Variants in LEPR observed in about 807,000 individuals in gnomAD.
LEPR encodes OB receptor.
In LEPR, 56 loss-of-function variants were observed where a neutral mutation model predicts 114.7. The observed-to-expected ratio is 0.49, with a 90% CI of 0.39 to 0.61. LEPR has a LOEUF of 0.61. LEPR is among the 20% of genes least tolerant of loss of function. The pLI is 0.00. For synonymous variants in LEPR, 443 were observed against 461.4 expected, an observed-to-expected ratio of 0.96 and a Z score of 0.51; for missense variants, 1,202 against 1,352.9, an observed-to-expected ratio of 0.89 and a Z score of 1.75.
At chr1:65,608,471 A>G (rs1468782481) in intron 11 of LEPR, among the ~76,000 whole-genome samples, 1 of 152,040 alleles carries the variant, frequency 6.6e-6, no homozygotes, top group Non-Finnish European at 1.5e-5. Flanking sequence ...TTGCTTGCAG[A>G]GCCAATGGTT....
chr1:65,625,619 C>T (rs994561986), intron 19 of LEPR, among the ~76,000 whole-genome samples: 2 of 151,982 alleles, frequency 1.3e-5, no homozygotes, highest in African/African-American at 2.4e-5. Context: ...TTGTGCTGAG[C>T]GCTTATAATG....
chr1:65,556,523 A>G (rs997325585), intron 2 of LEPR, among the ~76,000 whole-genome samples: 1 of 152,068 alleles, frequency 6.6e-6, no homozygotes, highest in African/African-American at 2.4e-5. Flanking sequence ...TTTTAGTTGT[A>G]TGTGCTTCCT....
Position 65,572,328 on chromosome 1 carries a change from G to A in LEPR, c.373G>A (p.Ala125Thr), listed in dbSNP as rs1381953114. 4 of 609,568 alleles carry A rather than the reference G, an allele frequency of 6.6e-6. No individual in the cohort carries two copies. The East Asian group carries it at 1.4e-4, about 22-fold the overall frequency. 37.8% of individuals were successfully genotyped at this position (609,568 alleles called of 1,614,324 possible). A position where few individuals can be genotyped will look rare whatever the true frequency, so the allele number is the denominator to read the frequency against. ...TTTTTTTTTTTTTTTAAATTCAGAT[G>A]CAAACTGGAACATACAGTGCTGGCT... ...VNSLVFQQID[A>T]NWNIQCWLKG... The change falls in exon 5 of 20, where the codon GCA (alanine) becomes ACA (threonine). Residue 125 changes from alanine (A) to threonine (T), a missense_variant and splice_region_variant. Coordinates refer to ENST00000349533, the MANE Select transcript of LEPR (RefSeq NM_002303.6).
rs145178680 is a variant in LEPR at position 65,434,247 on chromosome 1, A to G, written c.-21+8869A>G. The stretch of plus-strand genomic sequence containing the variant: ...GTAAATATTAATAGGAAATATTGCT[A>G]TATCTGAATATATAATACAAAAGTT... On this transcript the variant is annotated intron_variant, in intron 2 of 19. Coordinates refer to ENST00000349533, the MANE Select transcript of LEPR (RefSeq NM_002303.6). The G allele has an allele frequency of 1.3e-4, 126 of 978,470 alleles. No homozygotes were observed. In the African/African-American group the frequency reaches 1.7e-3, roughly 13 times the overall value. The allele number at this position is 978,470 out of a possible 1,614,324, so 60.6% of individuals were successfully genotyped here.
chr1:65,499,158 T>C (rs1648312878), intron 2 of LEPR, among the ~76,000 whole-genome samples: 1 of 152,140 alleles, frequency 6.6e-6, no homozygotes, highest in Non-Finnish European at 1.5e-5. Context: ...TGTTCTCTGG[T>C]GCCAGCAGGA....
At chr1:65,592,511 C>A in intron 5 of LEPR, 146 bp from the exon 6 acceptor site, 1 of 736,012 alleles carries the variant, frequency 1.4e-6, no homozygotes, top group Non-Finnish European at 2.1e-6. Flanking sequence ...CTTTGTTTTT[C>A]TAATGTAGGG....
chr1:65,578,051 C>T (rs1195912580), intron 5 of LEPR, among the ~76,000 whole-genome samples: 1 of 151,080 alleles, frequency 6.6e-6, no homozygotes, highest in Non-Finnish European at 1.5e-5. Context: ...TGAGTGAGAA[C>T]GTAGTGTTTG....
chr1:65,493,905 A>T (rs1215772615), intron 2 of LEPR: 1 of 152,190 alleles, frequency 6.6e-6, no homozygotes, highest in African/African-American at 2.4e-5. Flanking sequence ...TCTGATATCA[A>T]TGAAATAGTG....
chr1:65,631,427 A>G (rs1464756409), intron 19 of LEPR, among the ~76,000 whole-genome samples: 1 of 152,124 alleles, frequency 6.6e-6, no homozygotes, highest in Non-Finnish European at 1.5e-5. Context: ...GCAGCTGGAT[A>G]TATTCTGGTC....
In LEPR at chr1:65,592,878, C is replaced by T. The variant is rs1655801936; in HGVS notation, c.703+13C>T. 4.3e-6 allele frequency: 7 copies of T among 1,611,934 alleles called. No individual in the cohort carries two copies. The highest frequency in any genetic ancestry group is 5.9e-6 in the Non-Finnish European group (7 of 1,178,582). ...CCCATAAATATGGGTAAGTTATGCA[C>T]TAAAATGATGATAATAGGTCTAAAC... On this transcript the variant is annotated intron_variant, in intron 6 of 19. Transcript: ENST00000349533.
At chr1:65,626,179 T>C in intron 19 of LEPR, 1 of 1,611,036 alleles carries the variant, frequency 6.2e-7, no homozygotes, top group Non-Finnish European at 8.5e-7. Context: ...AGGAAATGCT[T>C]GTAGACTACG....
chr1:65,518,373 C>T (rs563337657), intron 2 of LEPR, among the ~76,000 whole-genome samples: 104 of 152,154 alleles, frequency 6.8e-4, no homozygotes, highest in African/African-American at 2.4e-3. Context: ...CTGAGAAGGC[C>T]GAGGGGGTCC....
rs1390478626 is a variant in LEPR at position 65,619,965 on chromosome 1, T to G, written c.2433T>G (p.Leu811=). Residue 811 remains leucine (L), a synonymous_variant, in exon 17 of 20, where the codon CTT becomes CTG. Coordinates refer to ENST00000349533, the MANE Select transcript of LEPR (RefSeq NM_002303.6). ...FIPIEKYQFS[L]YPIFMEGVGK... is the part of the protein sequence containing the mutation. Reference sequence around the variant, plus strand: ...CCATTGAGAAGTACCAGTTCAGTCTTTACCCAATATTTATGGAAGGAGTGG... The same window carrying G: ...CCATTGAGAAGTACCAGTTCAGTCTGTACCCAATATTTATGGAAGGAGTGG... 1 of 1,612,230 alleles carries G rather than the reference T, an allele frequency of 6.2e-7. No individual in the cohort carries two copies. The highest frequency in any genetic ancestry group is 2.2e-5 in the East Asian group (1 of 44,716).
intron 2 of LEPR, among the ~76,000 whole-genome samples, chr1:65,448,772 G>A (rs1001265167): frequency 1.3e-5 from 2 of 152,084 alleles, no homozygotes; most frequent in African/African-American, 4.8e-5. Context: ...CAAAAAATTG[G>A]TCCATTTCAT....
intron 2 of LEPR, among the ~76,000 whole-genome samples, chr1:65,425,955 C>G (rs1646354283): frequency 6.6e-6 from 1 of 152,098 alleles, no homozygotes; most frequent in Non-Finnish European, 1.5e-5. Context: ...GTTATGGGAA[C>G]TAGGGATTAA....
intron 15 of LEPR, among the ~76,000 whole-genome samples, chr1:65,617,514 G>A (rs11208689): frequency 0.46 from 70,419 of 152,088 alleles, 17,206 homozygotes; most frequent in East Asian, 0.87. Context: ...AGAGAGGTGC[G>A]TTGAGACTTG....
intron 2 of LEPR, among the ~76,000 whole-genome samples, chr1:65,463,583 G>A (rs901306546): frequency 2.1e-4 from 32 of 152,234 alleles, no homozygotes; most frequent in African/African-American, 7.7e-4. Flanking sequence ...GCTTGATGGG[G>A]ATGGCACTGA....
At chr1:65,572,209 T>C in intron 4 of LEPR, 117 bp from the exon 5 acceptor site, 2 of 1,302,378 alleles carry the variant, frequency 1.5e-6, no homozygotes, top group Non-Finnish European at 2.0e-6. Flanking sequence ...CAATGGAAGT[T>C]GTATCAGAAC....
At chr1:65,588,824 A>G (rs1655496835) in intron 5 of LEPR, among the ~76,000 whole-genome samples, 1 of 152,098 alleles carries the variant, frequency 6.6e-6, no homozygotes, top group African/African-American at 2.4e-5. Context: ...TTGTTCATCC[A>G]TTCACCTGTT....
Sources: gnomAD v4.1 joint callset for allele counts (sites outside exome capture counted in the v4.1 genomes callset) on GRCh38, gnomAD v4.1.1 for gene constraint, MANE v1.5 for transcripts, NCBI Gene and HGNC (gene_info 2026-07-23, HGNC 2026-07-21) for gene names.